The following SYT16 variants were observed in gnomAD, a reference collection of about 807,000 sequenced individuals.
SYT16 encodes the protein synaptotagmin 16.
A neutral mutation model predicts 61.4 loss-of-function variants in SYT16; 42 were observed. That is an observed-to-expected ratio of 0.68 (90% CI 0.53 to 0.89). SYT16 has a LOEUF of 0.89. Ranked by LOEUF, SYT16 falls within the 40% of genes least tolerant of loss-of-function variation. The pLI is 0.00. For missense variants in SYT16, 804 were observed against 807.3 expected (o/e 1.00, Z 0.05); for synonymous variants, 314 against 302.3 (o/e 1.04, Z -0.40).
At chr14:62,041,548 C>T (rs1281956803) in intron 3 of SYT16, among the ~76,000 whole-genome samples, 1 of 152,156 alleles carries the variant, frequency 6.6e-6, no homozygotes, top group Non-Finnish European at 1.5e-5. Context: ...GCTCTGTCGC[C>T]TGGGCTGGAG....
intron 3 of SYT16, among the ~76,000 whole-genome samples, chr14:62,032,091 C>T (rs1037467928): frequency 1.3e-5 from 2 of 151,724 alleles, no homozygotes; most frequent in African/African-American, 4.8e-5. Flanking sequence ...GCTTGGATGA[C>T]GAAAACGGGA....
In SYT16 at chr14:62,036,552, C is replaced by G. The variant is rs143250970; in HGVS notation, c.524-33051C>G. Among the ~76,000 whole-genome samples the G allele has an allele frequency of 5.3e-3, 806 of 152,232 alleles. 5 individuals are homozygous for G. Among genetic ancestry groups the G allele is most frequent in the African/African-American group, 0.018 (764 of 41,532 alleles). ...CTAATAAAGACATACCCAAAACTGC[C>G]TAATTTATTAAGGAAAGAGTTTCAA... is the stretch of plus-strand genomic sequence containing the variant. On this transcript the variant is annotated intron_variant, in intron 3 of 7. Coordinates refer to ENST00000683842, the MANE Select transcript of SYT16 (RefSeq NM_001367656.1).
intron 1 of SYT16, among the ~76,000 whole-genome samples, chr14:61,882,967 C>G (rs1438892079): frequency 6.6e-6 from 1 of 152,206 alleles, no homozygotes; most frequent in Non-Finnish European, 1.5e-5. Flanking sequence ...GTGGGACTTG[C>G]ACCCTCTGAA....
chr14:62,028,611 A>G (rs2054190322), intron 3 of SYT16, among the ~76,000 whole-genome samples: 1 of 152,204 alleles, frequency 6.6e-6, no homozygotes, highest in Non-Finnish European at 1.5e-5. Context: ...GTTAATTATA[A>G]GTGTCAAAGT....
chr14:61,922,825 C>G (rs1003188672), intron 1 of SYT16, among the ~76,000 whole-genome samples: 2 of 152,030 alleles, frequency 1.3e-5, no homozygotes, highest in Non-Finnish European at 2.9e-5. Context: ...CAAGGCAGGC[C>G]GATCACAAGG....
At chr14:61,865,149 G>T in intron 1 of SYT16, 2 of 1,247,560 alleles carry the variant, frequency 1.6e-6, no homozygotes, top group Non-Finnish European at 1.2e-6. Flanking sequence ...GATAAATGCC[G>T]CTCCCTGCAG....
rs374912132 is a variant in SYT16 at position 62,075,361 on chromosome 14, C to T, written c.963C>T (p.Ala321=). 113 of 1,613,502 alleles carry T rather than the reference C, an allele frequency of 7.0e-5. No homozygotes were observed. Among genetic ancestry groups the T allele is most frequent in the Non-Finnish European group, 9.4e-5 (111 of 1,179,626 alleles). The change falls in exon 5 of 8, where the codon GCC becomes GCT. Residue 321 remains alanine (A), a synonymous_variant. Transcript: ENST00000683842. ...GCCGGGGATTTGAAGATTCCTATGC[C>T]ACTGACAGCTCCTCCATGTGGAGTC... ...FNSRGFEDSY[A]TDSSSMWSPE...
intron 3 of SYT16, among the ~76,000 whole-genome samples, chr14:62,034,802 C>T (rs2054443787): frequency 6.6e-6 from 1 of 151,998 alleles, no homozygotes; most frequent in Non-Finnish European, 1.5e-5. Context: ...GTGATGGTTG[C>T]ATAAGTCTGT....
intron 3 of SYT16, among the ~76,000 whole-genome samples, chr14:62,061,176 G>T (rs28378928): frequency 0.21 from 32,167 of 151,972 alleles, 7,532 homozygotes; most frequent in African/African-American, 0.58. Flanking sequence ...TATAACACTG[G>T]CTTAAAATAG....
intron 1 of SYT16, among the ~76,000 whole-genome samples, chr14:61,902,373 G>T (rs1296751454): frequency 6.6e-6 from 1 of 152,180 alleles, no homozygotes; most frequent in Non-Finnish European, 1.5e-5. Flanking sequence ...CCAAGACCCT[G>T]TGCAAATAGC....
At chr14:61,993,263 G>A (rs1416678562) in intron 2 of SYT16, among the ~76,000 whole-genome samples, 1 of 151,836 alleles carries the variant, frequency 6.6e-6, no homozygotes, top group Non-Finnish European at 1.5e-5. Flanking sequence ...GGGCCTGTGG[G>A]GGTGTGGGGG....
chr14:62,001,801 A>T (rs1566753670), intron 3 of SYT16, among the ~76,000 whole-genome samples: 1 of 151,844 alleles, frequency 6.6e-6, no homozygotes, highest in Non-Finnish European at 1.5e-5. Context: ...TTCGTAGTTC[A>T]GCTTGGGTAG....
intron 1 of SYT16, among the ~76,000 whole-genome samples, chr14:61,901,927 A>G (rs1450616795): frequency 1.3e-5 from 2 of 151,884 alleles, no homozygotes; most frequent in Non-Finnish European, 2.9e-5. Flanking sequence ...ACTCCCAGCT[A>G]ATTTTTATAT....
chr14:62,090,288 A>G (rs2057027577), intron 7 of SYT16, among the ~76,000 whole-genome samples: 1 of 152,248 alleles, frequency 6.6e-6, no homozygotes. Context: ...CAGCATGTGC[A>G]TGATTAGCCA....
At position 61,843,341 on chromosome 14, in the gene SYT16, C is replaced by A. The variant is rs529554976; in HGVS notation, c.-325+30531C>A. On this transcript the variant is annotated intron_variant, in intron 1 of 7. Transcript: ENST00000683842. ...TCTGATGATCAATGATGTTGAACAC[C>A]TTTCCATAGAGTTATTTCTTAACTT... Among the ~76,000 whole-genome samples, 4 of 152,218 alleles carry A rather than the reference C, an allele frequency of 2.6e-5. No homozygotes were observed. The South Asian group carries it at 8.3e-4, about 32-fold the overall frequency.
chr14:62,052,263 G>A (rs1289834444), intron 3 of SYT16, among the ~76,000 whole-genome samples: 1 of 152,104 alleles, frequency 6.6e-6, no homozygotes, highest in Non-Finnish European at 1.5e-5. Context: ...TGTATGATAT[G>A]TGATGTGTTC....
chr14:62,017,611 C>A (rs2053742571), intron 3 of SYT16, among the ~76,000 whole-genome samples: 3 of 152,184 alleles, frequency 2.0e-5, no homozygotes, highest in Admixed American at 1.3e-4. Context: ...TGCATGTAAT[C>A]CATCAGCAAC....
At chr14:61,985,659 C>T (rs2052275306) in intron 2 of SYT16, among the ~76,000 whole-genome samples, 1 of 152,084 alleles carries the variant, frequency 6.6e-6, no homozygotes, top group Non-Finnish European at 1.5e-5. Flanking sequence ...CCTGGAAAAA[C>T]CTCATTCATT....
Position 62,108,204 on chromosome 14 carries a change from G to T in SYT16, c.*7497G>T, listed in dbSNP as rs1418121210. 1 of 152,156 alleles carries T rather than the reference G, an allele frequency of 6.6e-6. No homozygotes were observed. Among genetic ancestry groups the T allele is most frequent in the Non-Finnish European group, 1.5e-5 (1 of 68,026 alleles). 9.4% of individuals were successfully genotyped at this position (152,156 alleles called of 1,614,324 possible). A position where few individuals can be genotyped will look rare whatever the true frequency, so the allele number is the denominator to read the frequency against. ...CTAGACTCAACCCATTTTTAAAGCAGGAGTTTTTCCAATGGATTTATTGTT... is the reference window on the plus strand; with the variant it reads ...CTAGACTCAACCCATTTTTAAAGCATGAGTTTTTCCAATGGATTTATTGTT... On this transcript the variant is annotated 3_prime_UTR_variant, in exon 8 of 8. Coordinates refer to ENST00000683842, the MANE Select transcript of SYT16 (RefSeq NM_001367656.1).
Sources: allele counts gnomAD v4.1 joint callset (sites outside exome capture counted in the v4.1 genomes callset), GRCh38; gene constraint gnomAD v4.1.1; transcripts MANE v1.5; gene names NCBI Gene and HGNC (gene_info 2026-07-23, HGNC 2026-07-21).